ZNF385D: variants seen among roughly 807,000 people sequenced by gnomAD.
The protein encoded by ZNF385D is zinc finger protein 385D.
Under a neutral mutation model 35.8 loss-of-function variants are expected in ZNF385D, and 15 were observed. That is an observed-to-expected ratio of 0.42 (90% CI 0.28 to 0.64). The LOEUF (loss-of-function observed/expected upper bound fraction) is 0.64, where lower values mean the gene tolerates loss of function less well. Ranked by LOEUF, ZNF385D falls within the 30% of genes least tolerant of loss-of-function variation. ZNF385D has a pLI of 0.23. For synonymous variants in ZNF385D, 212 were observed against 186.8 expected, an observed-to-expected ratio of 1.13 and a Z score of -1.10; for missense variants, 474 against 494.6, an observed-to-expected ratio of 0.96 and a Z score of 0.39.
chr3:21,521,375 T>G (rs565484399), intron 3 of ZNF385D, among the ~76,000 whole-genome samples: 1 of 152,342 alleles, frequency 6.6e-6, no homozygotes, highest in Non-Finnish European at 1.5e-5. Context: ...ATTGAACAGT[T>G]ACTGCACACC....
At chr3:21,997,009 TA>T (rs374865777) in intron 3 of ZNF385D, among the ~76,000 whole-genome samples, 230 of 152,236 alleles carry the variant, frequency 1.5e-3, no homozygotes, top group African/African-American at 5.3e-3. Context: ...CAATGTTATT[TA>T]AACTTTATTT....
intron 3 of ZNF385D, among the ~76,000 whole-genome samples, chr3:21,793,858 A>T (rs1397690635): frequency 2.0e-5 from 3 of 152,236 alleles, no homozygotes; most frequent in Non-Finnish European, 4.4e-5. Flanking sequence ...TTAGGGAACC[A>T]TTCTCAGGAC....
At chr3:21,741,916 G>C (rs2125525923) in intron 1 of ZNF385D, among the ~76,000 whole-genome samples, 1 of 152,260 alleles carries the variant, frequency 6.6e-6, no homozygotes, top group East Asian at 1.9e-4. Flanking sequence ...GAATAGATTA[G>C]ATGTGGCCTC....
chr3:21,967,933 T>C (rs1703001613), intron 3 of ZNF385D, among the ~76,000 whole-genome samples: 1 of 152,234 alleles, frequency 6.6e-6, no homozygotes, highest in African/African-American at 2.4e-5. Context: ...ACAGTATCTG[T>C]TCTTAACATC....
intron 3 of ZNF385D, among the ~76,000 whole-genome samples, chr3:21,888,785 C>T (rs1439823517): frequency 3.3e-5 from 5 of 152,096 alleles, no homozygotes; most frequent in Admixed American, 2.0e-4. Context: ...AGATAGGTGG[C>T]GAGTTTTCCC....
At position 21,832,944 on chromosome 3, in the gene ZNF385D, A is replaced by C. The variant is rs1287658983; in HGVS notation, c.326-167916T>G. 2.6e-5 allele frequency among the ~76,000 whole-genome samples: 4 copies of C among 152,154 alleles called. No individual in the cohort carries two copies. In the East Asian group the frequency reaches 7.7e-4, roughly 29 times the overall value. On this transcript the variant is annotated intron_variant, in intron 3 of 5. Transcript: ENST00000494108. ...TTGTGGTCAAAAACTTTTTATGAGA[A>C]TATCTAAATATTATATAAAAATCAA... is the stretch of plus-strand genomic sequence containing the variant.
intron 3 of ZNF385D, among the ~76,000 whole-genome samples, chr3:21,910,645 T>A (rs1699918221): frequency 6.6e-6 from 1 of 151,828 alleles, no homozygotes; most frequent in African/African-American, 2.4e-5. Context: ...ATAATATAAT[T>A]GTGTGAATGA....
At chr3:22,169,240 A>G (rs1706530078) in intron 2 of ZNF385D, among the ~76,000 whole-genome samples, 1 of 152,206 alleles carries the variant, frequency 6.6e-6, no homozygotes, top group African/African-American at 2.4e-5. Context: ...TTAACTTTTT[A>G]TCTATTCCCA....
At chr3:22,035,852 T>A (rs969223346) in intron 3 of ZNF385D, among the ~76,000 whole-genome samples, 2 of 152,182 alleles carry the variant, frequency 1.3e-5, no homozygotes, top group East Asian at 3.8e-4. Flanking sequence ...GATCTTGTTA[T>A]GAGTTCCAGG....
At chr3:21,872,128 G>A (rs912791294) in intron 3 of ZNF385D, among the ~76,000 whole-genome samples, 7 of 152,022 alleles carry the variant, frequency 4.6e-5, no homozygotes, top group African/African-American at 1.4e-4. Flanking sequence ...ATTTGTAGAA[G>A]TCTTTGTACT....
chr3:21,648,416 A>G (rs1364824503), intron 2 of ZNF385D, among the ~76,000 whole-genome samples: 1 of 152,120 alleles, frequency 6.6e-6, no homozygotes, highest in Non-Finnish European at 1.5e-5. Flanking sequence ...AGTCTCAGGT[A>G]TTTCTTTATA....
At chr3:22,031,566 G>A (rs1425981803) in intron 3 of ZNF385D, among the ~76,000 whole-genome samples, 1 of 152,192 alleles carries the variant, frequency 6.6e-6, no homozygotes, top group Non-Finnish European at 1.5e-5. Context: ...CAAGTCCTGA[G>A]TCTGCACAGA....
rs186767457 is a variant in ZNF385D, at chr3:21,941,551, G to T, written c.325+227266C>A. ...CTCACTCTGTCCCGCAGGCTGGAATGCAGTGGCATGATCTCGGCTCACTGC... is the reference window on the plus strand; with the variant it reads ...CTCACTCTGTCCCGCAGGCTGGAATTCAGTGGCATGATCTCGGCTCACTGC... On this transcript the variant is annotated intron_variant, in intron 3 of 5. Transcript: ENST00000494108. Among the ~76,000 whole-genome samples the T allele has an allele frequency of 4.2e-3, 546 of 129,660 alleles. 7 individuals carry two copies. Among genetic ancestry groups the T allele is most frequent in the African/African-American group, 0.015 (503 of 32,906 alleles). 85.1% of individuals were successfully genotyped at this position (129,660 alleles called of 152,430 possible). A position where few individuals can be genotyped will look rare whatever the true frequency, so the allele number is the denominator to read the frequency against.
intron 3 of ZNF385D, among the ~76,000 whole-genome samples, chr3:21,889,225 G>C (rs180784607): frequency 1.8e-3 from 267 of 152,288 alleles, no homozygotes; most frequent in East Asian, 9.3e-3. Flanking sequence ...AAAGGTCTTT[G>C]TTTCTCATGG....
At chr3:22,029,839 G>A (rs1309965360) in intron 3 of ZNF385D, among the ~76,000 whole-genome samples, 1 of 152,020 alleles carries the variant, frequency 6.6e-6, no homozygotes, top group African/African-American at 2.4e-5. Context: ...CGGGAGATGT[G>A]TATGGGTTCA....
intron 3 of ZNF385D, among the ~76,000 whole-genome samples, chr3:21,896,388 AC>A (rs1238672085): frequency 2.6e-5 from 4 of 152,208 alleles, no homozygotes; most frequent in African/African-American, 9.6e-5. Context: ...AATGAAAAAA[AC>A]AAAATAAAAC....
chr3:21,802,397 C>CT (rs1298062028), intron 3 of ZNF385D, among the ~76,000 whole-genome samples: 1 of 152,064 alleles, frequency 6.6e-6, no homozygotes, highest in East Asian at 1.9e-4. Flanking sequence ...CTTGTTTTTT[C>CT]TTTAAGACCC....
At chr3:21,677,082 G>A (rs1440563493) in intron 1 of ZNF385D, among the ~76,000 whole-genome samples, 2 of 152,104 alleles carry the variant, frequency 1.3e-5, no homozygotes, top group Admixed American at 1.3e-4. Context: ...TAAAAGGAAA[G>A]ACATCGTAAA....
chr3:22,071,711 A>G (rs903677490), intron 3 of ZNF385D, among the ~76,000 whole-genome samples: 2 of 152,132 alleles, frequency 1.3e-5, no homozygotes, highest in African/African-American at 4.8e-5. Flanking sequence ...TGTGAAGAAG[A>G]CGAAGAAGAA....
Sources: gnomAD v4.1 joint callset for allele counts (sites outside exome capture counted in the v4.1 genomes callset) on GRCh38, gnomAD v4.1.1 for gene constraint, MANE v1.5 for transcripts, NCBI Gene and HGNC (gene_info 2026-07-23, HGNC 2026-07-21) for gene names.